The following ALPK1 variants were observed in gnomAD, a reference collection of about 807,000 sequenced individuals.
The protein encoded by ALPK1 is alpha kinase 1.
ALPK1 carries 110 observed loss-of-function variants against 120.6 expected under a neutral mutation model. The ratio of observed to expected loss-of-function variants is 0.91; its 90% CI spans 0.78 to 1.07. The LOEUF (loss-of-function observed/expected upper bound fraction) is 1.07, where lower values mean the gene tolerates loss of function less well. Ranked by LOEUF, ALPK1 falls within the 50% of genes least tolerant of loss-of-function variation. The pLI is 0.00. For missense variants in ALPK1, 1,498 were observed against 1,483.9 expected (o/e 1.01, Z -0.16); for synonymous variants, 582 against 560.3 (o/e 1.04, Z -0.55).
At chr4:112,305,147 C>T (rs1340078223) in intron 1 of ALPK1, among the ~76,000 whole-genome samples, 11 of 152,044 alleles carry the variant, frequency 7.2e-5, no homozygotes, top group Non-Finnish European at 1.5e-4. Flanking sequence ...GTTTTGGTTA[C>T]CGTAGCCTTG....
chr4:112,330,893 G>A (rs866146568), intron 2 of ALPK1, among the ~76,000 whole-genome samples: 1 of 152,168 alleles, frequency 6.6e-6, no homozygotes, highest in South Asian at 2.1e-4. Flanking sequence ...GTCCACAGAC[G>A]GTATTGCTAA....
In ALPK1 at chr4:112,432,131, G is replaced by A. The variant is rs1734588883; in HGVS notation, c.2584G>A (p.Asp862Asn). 1.2e-6 allele frequency: 2 copies of A among 1,614,068 alleles called. No homozygotes were observed. Among genetic ancestry groups the A allele is most frequent in the South Asian group, 1.1e-5 (1 of 91,086 alleles). ...DEEGQLLDSM[D>N]VPCTNGHGSH... ...GGAGGGGCAACTGCTCGACAGCATG[G>A]ATGTTCCCTGCACAAATGGGCACGG... The change falls in exon 11 of 16, where the codon GAT (aspartate) becomes AAT (asparagine). Residue 862 changes from aspartate (D) to asparagine (N), a missense_variant. Coordinates refer to ENST00000650871, the MANE Select transcript of ALPK1 (RefSeq NM_025144.4).
chr4:112,307,220 A>G (rs1397777578), intron 1 of ALPK1, among the ~76,000 whole-genome samples: 4 of 152,076 alleles, frequency 2.6e-5, no homozygotes, highest in Non-Finnish European at 4.4e-5. Flanking sequence ...AGAAGAATGT[A>G]TATTCTGTTG....
chr4:112,412,577 C>T, intron 5 of ALPK1: 4 of 382,386 alleles, frequency 1.0e-5, no homozygotes, highest in South Asian at 2.0e-5. Flanking sequence ...GGCTGACATT[C>T]TAACTTAAGA....
chr4:112,430,850 G>T lies in ALPK1; in HGVS notation c.1303G>T (p.Glu435Ter), dbSNP rs756684241. 6.2e-7 allele frequency: 1 copy of T among 1,613,960 alleles called. No individual in the cohort carries two copies. Among genetic ancestry groups the T allele is most frequent in the Admixed American group, 1.7e-5 (1 of 60,006 alleles). Residue 435 changes from glutamate (E) to a stop codon, truncating the protein, a stop_gained, in exon 11 of 16, where the codon GAG becomes TAG. Transcript: ENST00000650871. LOFTEE classifies it high-confidence loss of function. The stretch of plus-strand genomic sequence containing the variant: ...TGTAGATGACAGATCTTATGTTCCC[G>T]AGAGTTTCGAGTGCAGGTTGGATAA... Reference protein sequence around the residue: ...SNVDDRSYVPESFECRLDKLI... With the variant: ...SNVDDRSYVP
intron 2 of ALPK1, among the ~76,000 whole-genome samples, chr4:112,376,269 C>A (rs1731655008): frequency 6.6e-6 from 1 of 152,168 alleles, no homozygotes; most frequent in African/African-American, 2.4e-5. Context: ...TCAAGTAACA[C>A]AAATTTTGTA....
intron 2 of ALPK1, chr4:112,356,050 T>A (rs1367101412): frequency 3.8e-6 from 3 of 784,984 alleles, no homozygotes; most frequent in African/African-American, 3.4e-5. Flanking sequence ...GCTGAGAGCC[T>A]GAGATGTTTG....
chr4:112,394,117 C>T (rs1171849462), intron 4 of ALPK1, among the ~76,000 whole-genome samples: 1 of 152,106 alleles, frequency 6.6e-6, no homozygotes, highest in African/African-American at 2.4e-5. Context: ...ACAGCCAGTT[C>T]GTGGAAATGA....
At chr4:112,307,223 T>G (rs1360244225) in intron 1 of ALPK1, among the ~76,000 whole-genome samples, 1 of 152,106 alleles carries the variant, frequency 6.6e-6, no homozygotes, top group Non-Finnish European at 1.5e-5. Flanking sequence ...AGAATGTATA[T>G]TCTGTTGATT....
chr4:112,377,950 G>C lies in ALPK1; in HGVS notation c.121+52G>C, dbSNP rs926670494. ...GGTGAACCAGCAGGTTCACTCTCCT[G>C]TCCCCTGCCTGAACGACACGTTCTT... On this transcript the variant is annotated intron_variant, in intron 3 of 15. Transcript: ENST00000650871. 1.1e-5 allele frequency: 17 copies of C among 1,542,738 alleles called. No individual in the cohort carries two copies. In the African/African-American group the frequency reaches 2.2e-4, roughly 20 times the overall value.
intron 2 of ALPK1, among the ~76,000 whole-genome samples, chr4:112,353,954 T>G (rs980250743): frequency 3.9e-5 from 6 of 152,242 alleles, no homozygotes; most frequent in Non-Finnish European, 7.3e-5. Context: ...TGATTACTAA[T>G]GAGGTCAGAC....
At chr4:112,399,476 G>A (rs1732811623) in intron 4 of ALPK1, among the ~76,000 whole-genome samples, 1 of 152,158 alleles carries the variant, frequency 6.6e-6, no homozygotes, top group South Asian at 2.1e-4. Flanking sequence ...GTAAAGACGT[G>A]AGGACAGTGA....
intron 2 of ALPK1, chr4:112,358,213 C>A (rs1730735704): frequency 3.3e-6 from 2 of 601,714 alleles, no homozygotes; most frequent in Non-Finnish European, 6.2e-6. Context: ...ACAGGGCTGT[C>A]TTCCTCTGTG....
At chr4:112,426,650 TTTTA>T (rs1734250121) in intron 8 of ALPK1, 107 bp downstream of exon 8, 3 of 977,322 alleles carry the variant, frequency 3.1e-6, no homozygotes. Context: ...TCTGTCCTAT[TTTTA>T]TTTATTTTTC....
intron 2 of ALPK1, among the ~76,000 whole-genome samples, chr4:112,361,328 C>G (rs1730902842): frequency 6.6e-6 from 1 of 152,078 alleles, no homozygotes; most frequent in African/African-American, 2.4e-5. Flanking sequence ...GCCCTGCTCA[C>G]TGGCTGCCTG....
intron 2 of ALPK1, chr4:112,359,283 G>A: frequency 2.0e-6 from 1 of 489,922 alleles, no homozygotes; most frequent in Non-Finnish European, 3.7e-6. Flanking sequence ...CTACCTGGAA[G>A]ATGCCTGCAG....
At chr4:112,379,338 G>C (rs975574777) in intron 3 of ALPK1, among the ~76,000 whole-genome samples, 1 of 152,236 alleles carries the variant, frequency 6.6e-6, no homozygotes, top group Non-Finnish European at 1.5e-5. Context: ...TAAGCTGCTT[G>C]GGGAAGCAAG....
At chr4:112,421,861 C>T (rs1482941987) in intron 5 of ALPK1, among the ~76,000 whole-genome samples, 3 of 152,188 alleles carry the variant, frequency 2.0e-5, no homozygotes, top group South Asian at 2.1e-4. Flanking sequence ...ACCTTAGCAA[C>T]TTTGGCATAT....
intron 4 of ALPK1, among the ~76,000 whole-genome samples, chr4:112,392,830 T>C (rs4834272): frequency 0.34 from 50,999 of 152,088 alleles, 8,861 homozygotes; most frequent in East Asian, 0.53. Flanking sequence ...TGCACCTGGG[T>C]CTCTTTCCTA....
Sources: allele counts gnomAD v4.1 joint callset (sites outside exome capture counted in the v4.1 genomes callset), GRCh38; gene constraint gnomAD v4.1.1; transcripts MANE v1.5; gene names NCBI Gene and HGNC (gene_info 2026-07-23, HGNC 2026-07-21).